Variants in ELFN2 observed in about 807,000 individuals in gnomAD.
ELFN2 encodes the protein protein phosphatase 1 regulatory subunit 29.
A neutral mutation model predicts 45.5 loss-of-function variants in ELFN2; 17 were observed. The observed-to-expected ratio is 0.37, with a 90% CI of 0.26 to 0.56. The LOEUF (loss-of-function observed/expected upper bound fraction) is 0.56. Ranked by LOEUF, ELFN2 falls within the 20% of genes least tolerant of loss-of-function variation. ELFN2 has a pLI of 0.77. For missense variants in ELFN2, 922 were observed against 1,183.2 expected, an observed-to-expected ratio of 0.78 and a Z score of 3.24; for synonymous variants, 550 against 551.5, an observed-to-expected ratio of 1.00 and a Z score of 0.04.
At chr22:37,360,573 A>G (rs548196176) in intron 1 of ELFN2, among the ~76,000 whole-genome samples, 96 of 152,308 alleles carry the variant, frequency 6.3e-4, no homozygotes, top group Middle Eastern at 6.8e-3. Flanking sequence ...ACCCCTGCTT[A>G]GCAACCTCCA....
At chr22:37,392,927 C>T (rs1158140954) in intron 2 of ELFN2, among the ~76,000 whole-genome samples, 1 of 152,252 alleles carries the variant, frequency 6.6e-6, no homozygotes, top group Admixed American at 6.5e-5. Context: ...GACACACCTG[C>T]ATATTCATTA....
intron 1 of ELFN2, among the ~76,000 whole-genome samples, chr22:37,426,577 G>A (rs1288537586): frequency 2.0e-5 from 1 of 50,414 alleles, no homozygotes; most frequent in Admixed American, 2.4e-4. Flanking sequence ...CCCCCTCCCC[G>A]TCCCCTGACA....
chr22:37,374,260 C>T lies in ELFN2; in HGVS notation c.1275G>A (p.Gln425=). 2 of 1,614,026 alleles carry T rather than the reference C, an allele frequency of 1.2e-6. No individual in the cohort carries two copies. The highest frequency in any genetic ancestry group is 2.2e-5 in the East Asian group (1 of 44,882). The change falls in exon 3 of 3, where the codon CAG becomes CAA. Residue 425 remains glutamine, a synonymous_variant. Coordinates refer to ENST00000402918, the MANE Select transcript of ELFN2 (RefSeq NM_052906.5). ...CGTTGACAGACTTCTGCTTCTCCTCCTGCATGCGCCGCTTGCGCAGGCAGT... is the reference window on the plus strand; with the variant it reads ...CGTTGACAGACTTCTGCTTCTCCTCTTGCATGCGCCGCTTGCGCAGGCAGT... ...VYYCLRKRRM[Q]EEKQKSVNVK...
chr22:37,351,088 C>A (rs922395589), intron 1 of ELFN2, among the ~76,000 whole-genome samples: 1 of 150,442 alleles, frequency 6.6e-6, no homozygotes, highest in Non-Finnish European at 1.5e-5. Context: ...AGCCAGCCAA[C>A]CCTCCTCCCT....
At chr22:37,377,306 C>T (rs1291488465) in intron 2 of ELFN2, among the ~76,000 whole-genome samples, 2 of 152,190 alleles carry the variant, frequency 1.3e-5, no homozygotes, top group African/African-American at 4.8e-5. Flanking sequence ...CCTGTGCTCT[C>T]AACTATGGGA....
At chr22:37,355,551 C>A (rs1279558016) in intron 1 of ELFN2, among the ~76,000 whole-genome samples, 3 of 152,212 alleles carry the variant, frequency 2.0e-5, no homozygotes. Flanking sequence ...ACCTCTGCAG[C>A]GGGGCCATCC....
chr22:37,386,698 T>A (rs1931956304), intron 2 of ELFN2, among the ~76,000 whole-genome samples: 1 of 151,980 alleles, frequency 6.6e-6, no homozygotes, highest in South Asian at 2.1e-4. Context: ...CCCCGGAAAC[T>A]CCCCGGGGAG....
chr22:37,424,698 T>A (rs1385596464), intron 1 of ELFN2, among the ~76,000 whole-genome samples: 2 of 151,806 alleles, frequency 1.3e-5, no homozygotes, highest in Non-Finnish European at 2.9e-5. Context: ...GGGATGGAAT[T>A]CACATTAAAT....
intron 2 of ELFN2, among the ~76,000 whole-genome samples, chr22:37,391,656 G>T (rs1261214900): frequency 6.6e-6 from 1 of 152,156 alleles, no homozygotes; most frequent in Non-Finnish European, 1.5e-5. Flanking sequence ...TCAAAGGGAC[G>T]GTGTCTGGGA....
At position 37,375,766 on chromosome 22, in the gene ELFN2, T is replaced by A. The variant is rs915464022; in HGVS notation, c.-232A>T. On this transcript the variant is annotated 5_prime_UTR_variant, in exon 3 of 3. Transcript: ENST00000402918. ...TGGGGGTGGGGGCCCCACAGCCTGC[T>A]CCCCACCGCAGCGTTGCTCCTTGTC... The A allele has an allele frequency of 1.1e-5, 6 of 569,338 alleles. No homozygotes were observed. Among genetic ancestry groups the A allele is most frequent in the African/African-American group, 4.0e-5 (2 of 50,298 alleles). The allele number at this position is 569,338 out of a possible 1,614,324, so 35.3% of individuals were successfully genotyped here. A position where few individuals can be genotyped will look rare whatever the true frequency, so the allele number is the denominator to read the frequency against.
At chr22:37,401,964 A>G (rs1051101471) in intron 2 of ELFN2, among the ~76,000 whole-genome samples, 49 of 152,134 alleles carry the variant, frequency 3.2e-4, no homozygotes, top group African/African-American at 1.2e-3. Flanking sequence ...TGCCCCAGGG[A>G]GGCTGAAGGA....
At chr22:37,409,292 C>T (rs1296117793) in intron 2 of ELFN2, among the ~76,000 whole-genome samples, 11 of 152,172 alleles carry the variant, frequency 7.2e-5, no homozygotes, top group Admixed American at 7.2e-4. Flanking sequence ...GCTCCTGGGC[C>T]CCGAAGCAGC....
At chr22:37,387,439 C>T (rs909477249) in intron 2 of ELFN2, among the ~76,000 whole-genome samples, 2 of 152,268 alleles carry the variant, frequency 1.3e-5, no homozygotes, top group Admixed American at 6.5e-5. Context: ...AAATGTTTTT[C>T]CCCTTTTCCT....
At chr22:37,344,613 G>C (rs375025657) in intron 1 of ELFN2, among the ~76,000 whole-genome samples, 3 of 152,252 alleles carry the variant, frequency 2.0e-5, no homozygotes, top group South Asian at 4.1e-4. Context: ...TGTGGCAGGA[G>C]GAGGGGGATG....
chr22:37,357,985 C>G (rs570495352), intron 1 of ELFN2, among the ~76,000 whole-genome samples: 1 of 152,260 alleles, frequency 6.6e-6, no homozygotes, highest in East Asian at 1.9e-4. Flanking sequence ...AGAAAAAGCC[C>G]CATTTTCTCA....
At chr22:37,394,396 C>A (rs1010718070) in intron 2 of ELFN2, among the ~76,000 whole-genome samples, 5 of 152,200 alleles carry the variant, frequency 3.3e-5, no homozygotes, top group Non-Finnish European at 1.5e-5. Flanking sequence ...CAGCCGCTTC[C>A]ACAGTTCCCA....
intron 2 of ELFN2, among the ~76,000 whole-genome samples, chr22:37,382,562 TA>T (rs66625609): frequency 0.68 from 83,709 of 123,292 alleles, 28,009 homozygotes; most frequent in Admixed American, 0.75. Flanking sequence ...TTTTTTTTTT[TA>T]AAAACAGACT....
intron 2 of ELFN2, among the ~76,000 whole-genome samples, chr22:37,401,438 G>A (rs888458746): frequency 6.6e-6 from 1 of 152,216 alleles, no homozygotes; most frequent in African/African-American, 2.4e-5. Flanking sequence ...CCCTGAGGAG[G>A]CTTGGAACAG....
chr22:37,402,750 G>T (rs1286031465), intron 2 of ELFN2, among the ~76,000 whole-genome samples: 1 of 152,180 alleles, frequency 6.6e-6, no homozygotes, highest in Non-Finnish European at 1.5e-5. Flanking sequence ...CAGGAGAGAT[G>T]GTGTTCAGCC....
Sources: gnomAD v4.1 joint callset for allele counts (sites outside exome capture counted in the v4.1 genomes callset) on GRCh38, gnomAD v4.1.1 for gene constraint, MANE v1.5 for transcripts, NCBI Gene and HGNC (gene_info 2026-07-23, HGNC 2026-07-21) for gene names.